Variants in TBC1D32 observed in about 807,000 individuals in gnomAD.
TBC1D32 encodes TBC1 domain family member 32.
A neutral mutation model predicts 170.3 loss-of-function variants in TBC1D32; 151 were observed. The ratio of observed to expected loss-of-function variants is 0.89; its 90% CI spans 0.78 to 1.01. The LOEUF is 1.01. Ranked by LOEUF, TBC1D32 falls within the 50% of genes least tolerant of loss-of-function variation. TBC1D32 has a pLI of 0.00. For synonymous variants in TBC1D32, 498 were observed against 488.0 expected (o/e 1.02, Z -0.27); for missense variants, 1,464 against 1,457.1 (o/e 1.00, Z -0.08).
chr6:121,170,162 C>A (rs1459161941), intron 22 of TBC1D32, among the ~76,000 whole-genome samples: 1 of 149,674 alleles, frequency 6.7e-6, no homozygotes, highest in Non-Finnish European at 1.5e-5. Flanking sequence ...CACACACATA[C>A]ACACACACAC....
chr6:121,176,618 G>A (rs949431576), intron 22 of TBC1D32, among the ~76,000 whole-genome samples: 4 of 151,830 alleles, frequency 2.6e-5, no homozygotes, highest in Admixed American at 6.6e-5. Flanking sequence ...CCACCCCCGA[G>A]ATGGAGTTTC....
intron 14 of TBC1D32, among the ~76,000 whole-genome samples, chr6:121,280,531 A>T (rs994926515): frequency 6.6e-6 from 1 of 151,870 alleles, no homozygotes; most frequent in African/African-American, 2.4e-5. Flanking sequence ...ACACAGAGAA[A>T]AAACCCACCT....
chr6:121,334,648 C>T (rs1811663581), upstream of TBC1D32: 4 of 591,550 alleles, frequency 6.8e-6, no homozygotes, highest in Admixed American at 3.0e-5. Context: ...CGAGGTCTCG[C>T]CTCTGGTACT....
chr6:121,244,456 G>A (rs943965299), intron 17 of TBC1D32, among the ~76,000 whole-genome samples: 3 of 152,002 alleles, frequency 2.0e-5, no homozygotes, highest in Non-Finnish European at 4.4e-5. Flanking sequence ...GTGGGGGCAG[G>A]GTCTGAGCTC....
At chr6:121,333,164 T>A (rs1352569140) in intron 1 of TBC1D32, among the ~76,000 whole-genome samples, 2 of 152,250 alleles carry the variant, frequency 1.3e-5, no homozygotes, top group Non-Finnish European at 2.9e-5. Context: ...AAAGGTAGTA[T>A]AACTAGAAAA....
chr6:121,215,122 G>C (rs1044724972), intron 21 of TBC1D32, among the ~76,000 whole-genome samples: 2 of 152,354 alleles, frequency 1.3e-5, no homozygotes, highest in East Asian at 3.9e-4. Context: ...AAGTCTGGCT[G>C]AGTCTGGGGC....
At chr6:121,299,590 C>A in intron 9 of TBC1D32, 85 bp from the exon 10 acceptor site, 1 of 1,296,764 alleles carries the variant, frequency 7.7e-7, no homozygotes, top group Non-Finnish European at 1.0e-6. Flanking sequence ...ATGACAACAT[C>A]ATAAATCACA....
At position 121,150,927 on chromosome 6, in the gene TBC1D32, T is replaced by C. The variant is rs796640998; in HGVS notation, c.2773+9083A>G. Among the ~76,000 whole-genome samples, 6 of 152,252 alleles carry C rather than the reference T, an allele frequency of 3.9e-5. No individual in the cohort carries two copies. The East Asian group carries it at 9.7e-4, about 25-fold the overall frequency. ...TTAGTAGTCTGGCTAGTGGTCTATC[T>C]ATTTTGTTAATCTTTTCAAAAAACC... On this transcript the variant is annotated intron_variant, in intron 24 of 31. Transcript: ENST00000398212.
At chr6:121,279,001 C>G in intron 15 of TBC1D32, 120 bp downstream of exon 15, 1 of 1,089,688 alleles carries the variant, frequency 9.2e-7, no homozygotes, top group South Asian at 1.8e-5. Context: ...TCTACTCTGG[C>G]TGCATAGTCC....
chr6:121,286,990 C>G (rs1803959664), intron 12 of TBC1D32, among the ~76,000 whole-genome samples: 1 of 152,138 alleles, frequency 6.6e-6, no homozygotes, highest in African/African-American at 2.4e-5. Flanking sequence ...CCTAAAAGAG[C>G]TCCTGAAGGA....
intron 9 of TBC1D32, among the ~76,000 whole-genome samples, chr6:121,299,919 C>T (rs1443262129): frequency 6.6e-6 from 1 of 152,152 alleles, no homozygotes; most frequent in African/African-American, 2.4e-5. Flanking sequence ...TGTGCCAACA[C>T]TGAAATGCTC....
intron 20 of TBC1D32, among the ~76,000 whole-genome samples, chr6:121,237,641 G>A (rs1796481651): frequency 6.6e-6 from 1 of 151,610 alleles, no homozygotes; most frequent in Non-Finnish European, 1.5e-5. Context: ...AATCTGTGAA[G>A]GCCATGTAGA....
intron 15 of TBC1D32, among the ~76,000 whole-genome samples, chr6:121,260,196 T>C (rs1799580008): frequency 1.3e-5 from 2 of 152,134 alleles, no homozygotes; most frequent in South Asian, 4.1e-4. Flanking sequence ...TTTCCAAGCA[T>C]CTTTTTACTG....
chr6:121,110,174 C>T (rs1779066340), intron 29 of TBC1D32, among the ~76,000 whole-genome samples: 1 of 151,316 alleles, frequency 6.6e-6, no homozygotes, highest in East Asian at 2.0e-4. Flanking sequence ...TGGCGTGAAC[C>T]CAGGAGGCGG....
At chr6:121,084,454 T>A (rs1775980169) in intron 31 of TBC1D32, among the ~76,000 whole-genome samples, 2 of 152,070 alleles carry the variant, frequency 1.3e-5, no homozygotes, top group African/African-American at 2.4e-5. Context: ...ATTTTCTTGA[T>A]CACACTACAG....
chr6:121,181,806 A>G (rs938517006), intron 22 of TBC1D32, among the ~76,000 whole-genome samples: 2 of 152,250 alleles, frequency 1.3e-5, no homozygotes, highest in Admixed American at 6.6e-5. Context: ...AAAGAATGCA[A>G]TCCTCTCATT....
Position 121,242,181 on chromosome 6 carries a change from T to C in TBC1D32, c.2157+20A>G. ...AAACCACAAAAATTCCCTTTGCCTTTGGCAGATGGTAATTCATACCTGTAA... is the reference window on the plus strand; with the variant it reads ...AAACCACAAAAATTCCCTTTGCCTTCGGCAGATGGTAATTCATACCTGTAA... On this transcript the variant is annotated intron_variant, in intron 18 of 31. Coordinates refer to ENST00000398212, the MANE Select transcript of TBC1D32 (RefSeq NM_152730.6). The C allele has an allele frequency of 6.2e-7, 1 of 1,605,604 alleles. No individual in the cohort carries two copies. Among genetic ancestry groups the C allele is most frequent in the Non-Finnish European group, 8.5e-7 (1 of 1,177,696 alleles).
At chr6:121,330,476 C>T (rs1308999443) in intron 1 of TBC1D32, among the ~76,000 whole-genome samples, 1 of 152,164 alleles carries the variant, frequency 6.6e-6, no homozygotes, top group African/African-American at 2.4e-5. Flanking sequence ...AAAAACATAT[C>T]AAGTGAGAAG....
intron 31 of TBC1D32, among the ~76,000 whole-genome samples, chr6:121,081,910 G>T (rs1205951767): frequency 1.3e-5 from 2 of 151,962 alleles, no homozygotes; most frequent in African/African-American, 4.8e-5. Context: ...TTGAGGGAAA[G>T]GTTAGTTGGG....
Sources: allele counts gnomAD v4.1 joint callset (sites outside exome capture counted in the v4.1 genomes callset), GRCh38; gene constraint gnomAD v4.1.1; transcripts MANE v1.5; gene names NCBI Gene and HGNC (gene_info 2026-07-23, HGNC 2026-07-21).